SLX4IP: variants seen among roughly 807,000 people sequenced by gnomAD.
The protein encoded by SLX4IP is protein SLX4IP.
SLX4IP carries 34 observed loss-of-function variants against 32.9 expected under a neutral mutation model. That is an observed-to-expected ratio of 1.03 (90% CI 0.79 to 1.38). The LOEUF (loss-of-function observed/expected upper bound fraction) is 1.38, where lower values mean the gene tolerates loss of function less well. SLX4IP is among the 40% of genes most tolerant of loss of function. The pLI is 0.00. For missense variants in SLX4IP, 444 were observed against 479.0 expected, an observed-to-expected ratio of 0.93 and a Z score of 0.68; for synonymous variants, 172 against 171.7, an observed-to-expected ratio of 1.00 and a Z score of -0.01.
chr20:10,477,968 G>A (rs680597), intron 2 of SLX4IP, among the ~76,000 whole-genome samples: 81,030 of 148,354 alleles, frequency 0.55, 22,916 homozygotes, highest in South Asian at 0.71. Context: ...GCGTGATCTT[G>A]GCTCACTGCA....
At chr20:10,557,521 C>T (rs1881454860) in intron 3 of SLX4IP, among the ~76,000 whole-genome samples, 1 of 152,180 alleles carries the variant, frequency 6.6e-6, no homozygotes, top group South Asian at 2.1e-4. Context: ...TAATTCCACT[C>T]CTAGCTTACT....
rs1461363810 is a variant in SLX4IP, at chr20:10,578,386, C to T, written c.238+17566C>T. The stretch of plus-strand genomic sequence containing the variant: ...CACTCAGCATAATGTTTTCAAGATT[C>T]GTTCATTTTATAACACATATCAGTA... On this transcript the variant is annotated intron_variant, in intron 4 of 7. Transcript: ENST00000334534. Among the ~76,000 whole-genome samples the T allele has an allele frequency of 2.6e-5, 4 of 152,120 alleles. No homozygotes were observed. The East Asian group carries it at 5.8e-4, about 22-fold the overall frequency.
chr20:10,590,367 AT>A (rs2066694110), intron 4 of SLX4IP, among the ~76,000 whole-genome samples: 1 of 150,920 alleles, frequency 6.6e-6, no homozygotes, highest in Admixed American at 6.6e-5. Flanking sequence ...TATTTTTTTA[AT>A]TTTATTTTTA....
At chr20:10,442,753 A>C (rs992644358) in intron 1 of SLX4IP, among the ~76,000 whole-genome samples, 35 of 152,248 alleles carry the variant, frequency 2.3e-4, no homozygotes, top group Non-Finnish European at 2.4e-4. Flanking sequence ...TTGAGGGCCT[A>C]GGAAAATAAT....
At chr20:10,558,888 C>G (rs2066299886) in intron 3 of SLX4IP, among the ~76,000 whole-genome samples, 2 of 152,212 alleles carry the variant, frequency 1.3e-5, no homozygotes, top group Non-Finnish European at 2.9e-5. Flanking sequence ...TCACACTGCA[C>G]TTGGTCTACC....
At chr20:10,562,686 C>T (rs2066346012) in intron 4 of SLX4IP, among the ~76,000 whole-genome samples, 2 of 152,216 alleles carry the variant, frequency 1.3e-5, no homozygotes. Flanking sequence ...CTACCCAGCA[C>T]TTCCTTGCCC....
chr20:10,478,653 G>GGTA (rs2065493939), intron 2 of SLX4IP, among the ~76,000 whole-genome samples: 1 of 152,186 alleles, frequency 6.6e-6, no homozygotes, highest in Admixed American at 6.5e-5. Flanking sequence ...AGGCAGCACA[G>GGTA]GTAACATTGT....
At chr20:10,541,700 C>T (rs771907938) in intron 2 of SLX4IP, among the ~76,000 whole-genome samples, 7 of 151,726 alleles carry the variant, frequency 4.6e-5, no homozygotes, top group African/African-American at 9.7e-5. Flanking sequence ...AAATAAGATA[C>T]TGAGACTGAG....
intron 2 of SLX4IP, among the ~76,000 whole-genome samples, chr20:10,488,574 G>A (rs1333098376): frequency 6.6e-6 from 1 of 152,064 alleles, no homozygotes; most frequent in Non-Finnish European, 1.5e-5. Context: ...CTTCAAAGTT[G>A]TAAAATGCTG....
At chr20:10,490,097 C>G (rs778801946) in intron 2 of SLX4IP, among the ~76,000 whole-genome samples, 1 of 152,048 alleles carries the variant, frequency 6.6e-6, no homozygotes, top group Non-Finnish European at 1.5e-5. Context: ...AAAACTCTAT[C>G]ACCATGAAAG....
At chr20:10,587,056 C>G (rs2066654183) in intron 4 of SLX4IP, among the ~76,000 whole-genome samples, 1 of 150,780 alleles carries the variant, frequency 6.6e-6, no homozygotes, top group African/African-American at 2.4e-5. Context: ...AAACTAGGAT[C>G]AAAAAAGAAA....
intron 2 of SLX4IP, among the ~76,000 whole-genome samples, chr20:10,528,622 A>G (rs2065959354): frequency 6.6e-6 from 1 of 152,166 alleles, no homozygotes; most frequent in African/African-American, 2.4e-5. Context: ...ATTATATCAG[A>G]CTAGCTCTTT....
In SLX4IP at chr20:10,608,163, A is replaced by G. The variant is rs974044005; in HGVS notation, c.405+6344A>G. 5.9e-5 allele frequency among the ~76,000 whole-genome samples: 9 copies of G among 152,192 alleles called. 1 individual carries two copies. The South Asian group carries it at 8.3e-4, about 14-fold the overall frequency. On this transcript the variant is annotated intron_variant, in intron 6 of 7. Coordinates refer to ENST00000334534, the MANE Select transcript of SLX4IP (RefSeq NM_001009608.3). ...TTTGATTAGGAAAAACGTGGTGGGG[A>G]ATAGAACAACTGGAAAAGGGATTTG...
chr20:10,482,778 C>G (rs1168726137), intron 2 of SLX4IP, among the ~76,000 whole-genome samples: 1 of 152,110 alleles, frequency 6.6e-6, no homozygotes, highest in Non-Finnish European at 1.5e-5. Context: ...TGTTCTAAAA[C>G]TAGATTATGG....
chr20:10,549,124 A>G lies in SLX4IP; in HGVS notation c.28-7107A>G, dbSNP rs1419597528. ...TTCTTCAGCTTTTAACTCTCTGGAT[A>G]GGGATTCTTAATGTTAGGAGACTTC... On this transcript the variant is annotated intron_variant, in intron 2 of 7. Transcript: ENST00000334534. 2.0e-5 allele frequency among the ~76,000 whole-genome samples: 3 copies of G among 151,916 alleles called. No individual in the cohort carries two copies. The East Asian group carries it at 5.8e-4, about 29-fold the overall frequency.
Position 10,529,364 on chromosome 20 carries a change from G to A in SLX4IP, c.28-26867G>A, listed in dbSNP as rs556462658. On this transcript the variant is annotated intron_variant, in intron 2 of 7. Transcript: ENST00000334534. ...AGCACTTTGGGAGGCCGAGGCGGGT[G>A]GATCACTTGAGGTCAGGAGTCTGAA... Among the ~76,000 whole-genome samples, 3 of 152,092 alleles carry A rather than the reference G, an allele frequency of 2.0e-5. No individual in the cohort carries two copies. The South Asian group carries it at 6.2e-4, about 32-fold the overall frequency.
intron 3 of SLX4IP, among the ~76,000 whole-genome samples, chr20:10,558,903 A>G (rs1405569938): frequency 6.6e-6 from 1 of 152,220 alleles, no homozygotes; most frequent in Non-Finnish European, 1.5e-5. Context: ...TCTACCTTGC[A>G]TTCGTCAAAC....
intron 2 of SLX4IP, among the ~76,000 whole-genome samples, chr20:10,489,149 G>A (rs1302474137): frequency 2.0e-5 from 3 of 152,144 alleles, no homozygotes; most frequent in African/African-American, 7.2e-5. Flanking sequence ...CAGCAGCCTG[G>A]AATCGTGAAG....
chr20:10,561,477 T>A (rs904988622), intron 4 of SLX4IP, among the ~76,000 whole-genome samples: 2 of 152,014 alleles, frequency 1.3e-5, no homozygotes, highest in African/African-American at 4.8e-5. Context: ...ACATGTGATA[T>A]TTTATTTTCT....
Sources: allele counts gnomAD v4.1 joint callset (sites outside exome capture counted in the v4.1 genomes callset), GRCh38; gene constraint gnomAD v4.1.1; transcripts MANE v1.5; gene names NCBI Gene and HGNC (gene_info 2026-07-23, HGNC 2026-07-21).